The following ASPH variants were observed in gnomAD, a reference collection of about 807,000 sequenced individuals.
The protein encoded by ASPH is aspartate beta-hydroxylase, also known as aspartyl/asparaginyl beta-hydroxylase.
Under a neutral mutation model 118.4 loss-of-function variants are expected in ASPH, and 100 were observed. The ratio of observed to expected loss-of-function variants is 0.84; its 90% confidence interval spans 0.72 to 1.00. ASPH has a LOEUF of 1.00. Ranked by LOEUF, ASPH falls within the 50% of genes least tolerant of loss-of-function variation. The probability of loss-of-function intolerance (pLI) is 0.00; values close to 1 mark genes in which losing one functional copy is unlikely to be tolerated. For missense variants in ASPH, 920 were observed against 919.5 expected (o/e 1.00, Z -0.01); for synonymous variants, 315 against 325.6 (o/e 0.97, Z 0.35).
chr8:61,562,295 A>G (rs1420081577), intron 18 of ASPH, among the ~76,000 whole-genome samples: 1 of 149,700 alleles, frequency 6.7e-6, no homozygotes, highest in Non-Finnish European at 1.5e-5. Context: ...CTGAAAAGTA[A>G]TTTATGTCAC....
intron 16 of ASPH, among the ~76,000 whole-genome samples, chr8:61,576,358 TAG>T (rs1420964664): frequency 6.6e-6 from 1 of 152,182 alleles, no homozygotes; most frequent in Non-Finnish European, 1.5e-5. Context: ...GAAAAAACTA[TAG>T]AGACATCAAA....
rs1201733540 is a variant in ASPH at position 61,714,349 on chromosome 8, T to C, written c.23A>G (p.Lys8Arg). Residue 8 changes from lysine (K) to arginine (R), a missense_variant, in exon 1 of 25, where the codon AAG becomes AGG. Physicochemically the swap from Lys to Arg is conservative, Grantham distance 26 (BLOSUM62 2). Coordinates refer to ENST00000379454, the MANE Select transcript of ASPH (RefSeq NM_004318.4). MAQRKNA[K>R]SSGNSSSSGS... ...GCTGCTGCTGCTGTTGCCGCTGCTC[T>C]TGGCATTCTTACGCTGGGCCATTGC... The C allele has an allele frequency of 2.6e-6, 4 of 1,518,230 alleles. No individual in the cohort carries two copies. Among genetic ancestry groups the C allele is most frequent in the Non-Finnish European group, 2.6e-6 (3 of 1,133,634 alleles). The allele number at this position is 1,518,230 out of a possible 1,614,324, so 94.0% of individuals were successfully genotyped here. A position where few individuals can be genotyped will look rare whatever the true frequency, so the allele number is the denominator to read the frequency against.
intron 14 of ASPH, among the ~76,000 whole-genome samples, chr8:61,584,643 CTTTCTTTCTT>C (rs1236791261): frequency 6.7e-6 from 1 of 149,040 alleles, no homozygotes; most frequent in Non-Finnish European, 1.5e-5. Flanking sequence ...TTCTTTCTTT[CTTTCTTTCTT>C]TTTCTTTCTT....
chr8:61,646,911 T>C (rs932857246), intron 5 of ASPH, 33 bp from the exon 6 acceptor site: 20 of 1,612,612 alleles, frequency 1.2e-5, no homozygotes, highest in Non-Finnish European at 1.7e-5. Flanking sequence ...ACTGGCAACA[T>C]ACAACTGAGA....
intron 24 of ASPH, chr8:61,517,311 A>G: frequency 3.5e-6 from 2 of 565,884 alleles, no homozygotes; most frequent in Middle Eastern, 4.7e-4. Flanking sequence ...TCTGCCGAGA[A>G]ATAATGGAGG....
chr8:61,592,628 A>G (rs1007636453), intron 14 of ASPH, among the ~76,000 whole-genome samples: 1 of 152,254 alleles, frequency 6.6e-6, no homozygotes, highest in Admixed American at 6.5e-5. Context: ...GAAAAGTAAG[A>G]CCAAAATAAG....
At chr8:61,563,897 T>C (rs1444803734) in intron 17 of ASPH, among the ~76,000 whole-genome samples, 1 of 152,224 alleles carries the variant, frequency 6.6e-6, no homozygotes, top group African/African-American at 2.4e-5. Flanking sequence ...GGGAACCCTG[T>C]TGTGTTGTGA....
intron 3 of ASPH, among the ~76,000 whole-genome samples, chr8:61,674,909 C>T (rs1824501581): frequency 6.6e-5 from 10 of 152,146 alleles, no homozygotes. Flanking sequence ...CCTAGAGAAG[C>T]TGGAAGAGAT....
Position 61,680,986 on chromosome 8 carries a change from C to A in ASPH, c.304G>T (p.Asp102Tyr). 1 of 1,604,922 alleles carries A rather than the reference C, an allele frequency of 6.2e-7. No homozygotes were observed. Residue 102 changes from aspartate (D) to tyrosine (Y), a missense_variant, in exon 3 of 25, where the codon GAT (aspartate) becomes TAT (tyrosine). By Grantham distance (160) the Asp-to-Tyr change is radical. Coordinates refer to ENST00000379454, the MANE Select transcript of ASPH (RefSeq NM_004318.4). Reference protein sequence around the residue: ...ADGDGDFDVDDAKVLLGLKER... With the variant: ...ADGDGDFDVDYAKVLLGLKER... ...TACTTGCCTAATAAAACTTTGGCAT[C>A]ATCCACATCAAAATCTCCATCACCA...
At chr8:61,551,792 G>T (rs1252755849) in intron 20 of ASPH, among the ~76,000 whole-genome samples, 4 of 152,192 alleles carry the variant, frequency 2.6e-5, no homozygotes, top group Non-Finnish European at 4.4e-5. Context: ...TCATTCAAAG[G>T]AGTTCTGAGT....
chr8:61,524,263 C>A (rs1444806095), intron 22 of ASPH, among the ~76,000 whole-genome samples: 1 of 151,912 alleles, frequency 6.6e-6, no homozygotes, highest in Non-Finnish European at 1.5e-5. Context: ...ACATCCAAAC[C>A]TGTAACTGTA....
At position 61,714,192 on chromosome 8, in the gene ASPH, C is replaced by T. The variant is rs559682940; in HGVS notation, c.103+77G>A. On this transcript the variant is annotated intron_variant, in intron 1 of 24. Coordinates refer to ENST00000379454, the MANE Select transcript of ASPH (RefSeq NM_004318.4). ...GCGCGGTGGGACCTGGGGAGATGCACCCGCAGCGTCCGCCGCGCCAGCCGG... is the reference window on the plus strand; with the variant it reads ...GCGCGGTGGGACCTGGGGAGATGCATCCGCAGCGTCCGCCGCGCCAGCCGG... 3.8e-5 allele frequency: 51 copies of T among 1,353,212 alleles called. No individual in the cohort carries two copies. In the South Asian group the frequency reaches 5.7e-4, roughly 15 times the overall value. 83.8% of individuals were successfully genotyped at this position (1,353,212 alleles called of 1,614,324 possible). A position where few individuals can be genotyped will look rare whatever the true frequency, so the allele number is the denominator to read the frequency against.
intron 21 of ASPH, among the ~76,000 whole-genome samples, chr8:61,540,619 T>G (rs1821489192): frequency 6.6e-6 from 1 of 152,204 alleles, no homozygotes; most frequent in African/African-American, 2.4e-5. Context: ...AGGTATTTCT[T>G]TATAGCGATG....
chr8:61,612,627 C>T (rs1847806951), intron 14 of ASPH, among the ~76,000 whole-genome samples: 1 of 152,144 alleles, frequency 6.6e-6, no homozygotes, highest in South Asian at 2.1e-4. Context: ...CCACCTCGGC[C>T]TCCCAAATTG....
intron 14 of ASPH, among the ~76,000 whole-genome samples, chr8:61,599,376 G>A (rs929962785): frequency 6.6e-6 from 1 of 151,436 alleles, no homozygotes; most frequent in African/African-American, 2.4e-5. Flanking sequence ...TGTAAATGAC[G>A]AGTTAATGGG....
intron 21 of ASPH, among the ~76,000 whole-genome samples, chr8:61,532,443 G>A (rs751244639): frequency 7.2e-5 from 11 of 152,088 alleles, no homozygotes; most frequent in Non-Finnish European, 1.5e-4. Context: ...CCCCTTATCA[G>A]ATATATGGTT....
chr8:61,684,500 G>A (rs917780359), intron 1 of ASPH: 35 of 212,988 alleles, frequency 1.6e-4, no homozygotes, highest in African/African-American at 7.5e-4. Flanking sequence ...TCCAAAGGCA[G>A]AGCACATAAA....
At chr8:61,540,881 T>C (rs1041924286) in intron 21 of ASPH, among the ~76,000 whole-genome samples, 1 of 151,904 alleles carries the variant, frequency 6.6e-6, no homozygotes, top group Non-Finnish European at 1.5e-5. Flanking sequence ...TCGCTTGAGC[T>C]CAGGAGTTCT....
chr8:61,648,596 CG>C (rs1370778580), intron 5 of ASPH, among the ~76,000 whole-genome samples: 3 of 152,188 alleles, frequency 2.0e-5, no homozygotes, highest in African/African-American at 7.2e-5. Context: ...ATTTAGCTTT[CG>C]TATGCGGTTG....
Sources: gnomAD v4.1 joint callset for allele counts (sites outside exome capture counted in the v4.1 genomes callset) on GRCh38, gnomAD v4.1.1 for gene constraint, MANE v1.5 for transcripts, NCBI Gene and HGNC (gene_info 2026-07-23, HGNC 2026-07-21) for gene names.